The following ZNF782 variants were observed in gnomAD, a reference collection of about 807,000 sequenced individuals.
ZNF782 encodes the protein zinc finger protein 782.
In ZNF782, 12 loss-of-function variants were observed where a neutral mutation model predicts 13.0. The ratio of observed to expected loss-of-function variants is 0.92; its 90% CI spans 0.59 to 1.50. ZNF782 has a LOEUF of 1.50. ZNF782 is among the 40% of genes most tolerant of loss of function. The pLI is 0.00. For synonymous variants in ZNF782, 284 were observed against 283.0 expected, an observed-to-expected ratio of 1.00 and a Z score of -0.04; for missense variants, 770 against 822.9, an observed-to-expected ratio of 0.94 and a Z score of 0.79.
At chr9:96,847,245 G>A (rs557023125) in intron 3 of ZNF782, among the ~76,000 whole-genome samples, 1 of 152,154 alleles carries the variant, frequency 6.6e-6, no homozygotes, top group African/African-American at 2.4e-5. Context: ...AGCACAAATT[G>A]ACAACCTATT....
chr9:96,864,851 T>C (rs1588175281), intron 1 of ZNF782, among the ~76,000 whole-genome samples: 1 of 132,814 alleles, frequency 7.5e-6, no homozygotes, highest in Non-Finnish European at 1.6e-5. Flanking sequence ...GGGCAAAAAG[T>C]GAGACCCTAT....
chr9:96,845,657 A>G (rs1851323360), intron 3 of ZNF782, among the ~76,000 whole-genome samples: 1 of 152,230 alleles, frequency 6.6e-6, no homozygotes, highest in Non-Finnish European at 1.5e-5. Context: ...GCTCAGAAAA[A>G]AGAATAAAAA....
In ZNF782 at chr9:96,819,000, G is replaced by C. The variant is rs1850299947; in HGVS notation, c.1023C>G (p.His341Gln). Residue 341 changes from histidine (H) to glutamine (Q), a missense_variant, in exon 6 of 6, where the codon CAC becomes CAG. By Grantham distance (24) the His-to-Gln change is conservative. Coordinates refer to ENST00000481138, the MANE Select transcript of ZNF782 (RefSeq NM_001001662.3). ...GGTAGCTGAATGTCTCTGTACATGG[G>C]TGATAATCAGAGTATTTATCTGTTG... ...THATDKYSDY[H>Q]PCTETFSYQS... is the part of the protein sequence containing the mutation. 5 of 1,614,136 alleles carry C rather than the reference G, an allele frequency of 3.1e-6. No homozygotes were observed. The highest frequency in any genetic ancestry group is 4.2e-6 in the Non-Finnish European group (5 of 1,180,002).
At chr9:96,909,988 C>T in the ZNF782 span, 7 of 491,456 alleles carry the variant, frequency 1.4e-5, no homozygotes, top group Admixed American at 1.2e-4. Context: ...GCTGCCTCCA[C>T]CGCAGACTCT....
chr9:96,851,822 G>GA, intron 3 of ZNF782, 125 bp downstream of exon 3: 2 of 1,003,414 alleles, frequency 2.0e-6, no homozygotes, highest in South Asian at 3.0e-5. Flanking sequence ...AGTTCATGGT[G>GA]AAACTGTATA....
In ZNF782 at chr9:96,850,527, G is replaced by A. The variant is rs1354344081; in HGVS notation, c.15+1420C>T. Among the ~76,000 whole-genome samples the A allele has an allele frequency of 6.6e-6, 1 of 152,084 alleles. No individual in the cohort carries two copies. Among genetic ancestry groups the A allele is most frequent in the Non-Finnish European group, 1.5e-5 (1 of 68,012 alleles). On this transcript the variant is annotated intron_variant, in intron 3 of 5. Coordinates refer to ENST00000481138, the MANE Select transcript of ZNF782 (RefSeq NM_001001662.3). This position sits in a 1 kb window ranked among gnomAD's most constrained non-coding sequence, Gnocchi z 4.3. ...GGTGGGAGGCTAGGGAAAGGTGCTAGGGATAAAAAACTACCTATAAGGCAC... is the reference window on the plus strand; with the variant it reads ...GGTGGGAGGCTAGGGAAAGGTGCTAAGGATAAAAAACTACCTATAAGGCAC...
chr9:96,900,769 C>T, the ZNF782 span, among the ~76,000 whole-genome samples: 44 of 152,344 alleles, frequency 2.9e-4, no homozygotes, highest in African/African-American at 1.0e-3. Context: ...ACAAACACTG[C>T]AGTATAACCT....
At chr9:96,821,254 C>T (rs1374555927) in intron 5 of ZNF782, among the ~76,000 whole-genome samples, 4 of 152,226 alleles carry the variant, frequency 2.6e-5, no homozygotes, top group Non-Finnish European at 5.9e-5. Context: ...CTCACTGCAA[C>T]AGCCCACAGT....
chr9:96,875,698 G>A (rs1048232250), upstream of ZNF782: 23 of 424,538 alleles, frequency 5.4e-5, no homozygotes, highest in African/African-American at 2.0e-4. Flanking sequence ...TCGATCCTGG[G>A]GTCCCCCCGG....
Position 96,819,030 on chromosome 9 carries a change from A to G in ZNF782, c.993T>C (p.Thr331=). ...RNSTLPVHQR[T]HATDKYSDYH... ...AATCAGAGTATTTATCTGTTGCATGAGTTCTCTGATGCACTGGGAGGGTTG... is the reference window on the plus strand; with the variant it reads ...AATCAGAGTATTTATCTGTTGCATGGGTTCTCTGATGCACTGGGAGGGTTG... The change falls in exon 6 of 6, where the codon ACT becomes ACC. Residue 331 remains threonine (T), a synonymous_variant. Transcript: ENST00000481138. 6.2e-7 allele frequency: 1 copy of G among 1,614,206 alleles called. No individual in the cohort carries two copies. Among genetic ancestry groups the G allele is most frequent in the Non-Finnish European group, 8.5e-7 (1 of 1,180,040 alleles).
the ZNF782 span, among the ~76,000 whole-genome samples, chr9:96,926,867 G>A: frequency 6.6e-6 from 1 of 152,144 alleles, no homozygotes; most frequent in African/African-American, 2.4e-5. Context: ...TTCACAGTGT[G>A]CACTGGTCCG....
intron 4 of ZNF782, among the ~76,000 whole-genome samples, chr9:96,839,277 C>CTTTTTTTTTTTTTTT (rs201411107): frequency 1.0e-5 from 1 of 100,228 alleles, no homozygotes; most frequent in African/African-American, 3.1e-5. Context: ...TTACTTGGGA[C>CTTTTTTTTTTTTTTT]TTTTTTTTTT....
chr9:96,838,190 T>C (rs1190017256), intron 4 of ZNF782, among the ~76,000 whole-genome samples: 1 of 152,238 alleles, frequency 6.6e-6, no homozygotes, highest in African/African-American at 2.4e-5. Flanking sequence ...TTGGAAATGC[T>C]CCTGCTATCT....
rs1483163589 is a variant in ZNF782 at position 96,816,928 on chromosome 9, C to G, written c.*995G>C. On this transcript the variant is annotated 3_prime_UTR_variant, in exon 6 of 6. Transcript: ENST00000481138. ...TTCAGATGTCCTGAAAAATCATACT[C>G]CTAAGTTTTATTATGTGAGGGTTGT... 6.6e-6 allele frequency: 1 copy of G among 152,160 alleles called. No individual in the cohort carries two copies. Among genetic ancestry groups the G allele is most frequent in the African/African-American group, 2.4e-5 (1 of 41,424 alleles). 9.4% of individuals were successfully genotyped at this position (152,160 alleles called of 1,614,324 possible).
At chr9:96,907,524 A>G in the ZNF782 span, among the ~76,000 whole-genome samples, 28 of 152,294 alleles carry the variant, frequency 1.8e-4, no homozygotes, top group East Asian at 7.7e-4. Flanking sequence ...AAAACAATCA[A>G]TTGGCCATAT....
chr9:96,903,585 CAG>C, the ZNF782 span, among the ~76,000 whole-genome samples: 32 of 79,082 alleles, frequency 4.0e-4, no homozygotes, highest in Non-Finnish European at 6.3e-4. Flanking sequence ...TTTTTTGAGA[CAG>C]AGTCTAGCTC....
intron 4 of ZNF782, among the ~76,000 whole-genome samples, chr9:96,831,712 CA>C (rs36042943): frequency 0.04 from 4,556 of 113,740 alleles, 219 homozygotes; most frequent in African/African-American, 0.11. Flanking sequence ...GACTCTGTCT[CA>C]AAAAAAAAAA....
At chr9:96,842,956 C>A (rs1851231991) in intron 4 of ZNF782, among the ~76,000 whole-genome samples, 1 of 152,044 alleles carries the variant, frequency 6.6e-6, no homozygotes, top group Admixed American at 6.5e-5. Flanking sequence ...ATTTGATTAT[C>A]AGTAGCCATT....
At chr9:96,902,421 CA>C in the ZNF782 span, among the ~76,000 whole-genome samples, 342 of 70,130 alleles carry the variant, frequency 4.9e-3, 4 homozygotes, top group African/African-American at 0.04. Context: ...ATCTCCATCT[CA>C]AAAAAAAAAA....
Sources: allele counts gnomAD v4.1 joint callset (sites outside exome capture counted in the v4.1 genomes callset), GRCh38; gene constraint gnomAD v4.1.1; non-coding constraint Gnocchi (gnomAD v3.1); transcripts MANE v1.5; gene names NCBI Gene and HGNC (gene_info 2026-07-23, HGNC 2026-07-21).